Variants in PTPRM observed in about 807,000 individuals in gnomAD.
PTPRM encodes protein tyrosine phosphatase receptor type M, also known as receptor-type tyrosine-protein phosphatase mu.
PTPRM carries 47 observed loss-of-function variants against 186.7 expected under a neutral mutation model. The observed-to-expected ratio is 0.25, with a 90% CI of 0.20 to 0.32. PTPRM has a LOEUF of 0.32. Ranked by LOEUF, PTPRM falls within the 10% of genes least tolerant of loss-of-function variation. PTPRM has a pLI of 1.00. For synonymous variants in PTPRM, 668 were observed against 674.9 expected, an observed-to-expected ratio of 0.99 and a Z score of 0.16; for missense variants, 1,494 against 1,865.0, an observed-to-expected ratio of 0.80 and a Z score of 3.66.
At chr18:8,267,863 A>G (rs1274034078) in intron 19 of PTPRM, among the ~76,000 whole-genome samples, 1 of 152,146 alleles carries the variant, frequency 6.6e-6, no homozygotes, top group Non-Finnish European at 1.5e-5. Context: ...TTATTGTTCC[A>G]TTTGAAGCTA....
chr18:7,987,125 A>T (rs2083004437), intron 7 of PTPRM, among the ~76,000 whole-genome samples: 1 of 152,172 alleles, frequency 6.6e-6, no homozygotes, highest in Admixed American at 6.5e-5. Flanking sequence ...CAACATGGGG[A>T]CTGTCAGTTA....
chr18:8,245,951 T>C (rs371858717), intron 15 of PTPRM, among the ~76,000 whole-genome samples: 1 of 152,194 alleles, frequency 6.6e-6, no homozygotes, highest in East Asian at 1.9e-4. Context: ...AAACGGCAGC[T>C]GCAGAGGCCA....
chr18:8,029,019 C>CTTCCCTATGCA (rs1356494621), intron 7 of PTPRM, among the ~76,000 whole-genome samples: 1 of 152,008 alleles, frequency 6.6e-6, no homozygotes. Context: ...TCACCAACAC[C>CTTCCCTATGCA]AGGGCTGGGC....
chr18:8,186,661 G>T (rs933810394), intron 14 of PTPRM, among the ~76,000 whole-genome samples: 2 of 152,146 alleles, frequency 1.3e-5, no homozygotes, highest in Non-Finnish European at 2.9e-5. Flanking sequence ...TTTGAACCAA[G>T]GCTGAGAGAC....
intron 22 of PTPRM, among the ~76,000 whole-genome samples, chr18:8,333,808 A>G (rs968239425): frequency 6.6e-6 from 1 of 152,178 alleles, no homozygotes; most frequent in African/African-American, 2.4e-5. Context: ...TTGCCTTAAC[A>G]TCCCTCCCCT....
At chr18:7,977,948 A>T (rs546068647) in intron 7 of PTPRM, among the ~76,000 whole-genome samples, 1 of 152,322 alleles carries the variant, frequency 6.6e-6, no homozygotes, top group South Asian at 2.1e-4. Flanking sequence ...TGACTTCTTC[A>T]TAATTTCCTC....
chr18:7,631,561 G>A (rs1296609592), intron 1 of PTPRM, among the ~76,000 whole-genome samples: 1 of 151,874 alleles, frequency 6.6e-6, no homozygotes. Context: ...TCTAGAGCAA[G>A]GTTGTCCAGC....
chr18:7,664,970 T>A (rs1415744419), intron 1 of PTPRM, among the ~76,000 whole-genome samples: 1 of 152,102 alleles, frequency 6.6e-6, no homozygotes, highest in Non-Finnish European at 1.5e-5. Flanking sequence ...ATTTTAAATT[T>A]GAGATGTCAC....
At chr18:7,784,325 C>T (rs1045870083) in intron 2 of PTPRM, among the ~76,000 whole-genome samples, 7 of 152,042 alleles carry the variant, frequency 4.6e-5, no homozygotes, top group Non-Finnish European at 8.8e-5. Flanking sequence ...GTCAAGAGGC[C>T]GGAGGGGAAA....
chr18:7,882,716 A>C (rs1473084842), intron 2 of PTPRM, among the ~76,000 whole-genome samples: 1 of 152,240 alleles, frequency 6.6e-6, no homozygotes, highest in African/African-American at 2.4e-5. Flanking sequence ...ATAATGGAAA[A>C]TATTCTTTTG....
At chr18:7,868,080 C>G (rs2047802837) in intron 2 of PTPRM, among the ~76,000 whole-genome samples, 1 of 152,098 alleles carries the variant, frequency 6.6e-6, no homozygotes, top group African/African-American at 2.4e-5. Flanking sequence ...ACTGGTTATT[C>G]TAGTTATCAA....
At chr18:7,935,618 A>T (rs941373613) in intron 5 of PTPRM, among the ~76,000 whole-genome samples, 1 of 152,162 alleles carries the variant, frequency 6.6e-6, no homozygotes, top group Admixed American at 6.5e-5. Context: ...AGCAACCTTG[A>T]GGTCTCCTGG....
At chr18:7,739,245 C>T (rs991450711) in intron 1 of PTPRM, among the ~76,000 whole-genome samples, 1 of 152,018 alleles carries the variant, frequency 6.6e-6, no homozygotes, top group African/African-American at 2.4e-5. Flanking sequence ...AAGTGGTCGA[C>T]GTTGAGTTCT....
Position 8,376,571 on chromosome 18 carries a change from C to T in PTPRM, c.3436C>T (p.Arg1146Trp), listed in dbSNP as rs772640308. The T allele has an allele frequency of 3.1e-6, 5 of 1,613,648 alleles. No individual in the cohort carries two copies. Among genetic ancestry groups the T allele is most frequent in the African/African-American group, 1.3e-5 (1 of 74,860 alleles). ...IYNCVRELRS[R>W]RVNMVQTEEQ... ...CAACTGCGTCAGGGAGCTGCGGTCA[C>T]GGAGGGTGAACATGGTGCAAACAGA... The change falls in exon 26 of 33, where the codon CGG becomes TGG. Residue 1146 changes from arginine to tryptophan, a missense_variant. Around this residue, in one of 3 missense-constraint regions of PTPRM, gnomAD observed 1,107 missense variants for 1,350.2 expected, o/e 0.82. Transcript: ENST00000580170.
intron 7 of PTPRM, among the ~76,000 whole-genome samples, chr18:8,051,236 A>G (rs2087474402): frequency 6.6e-6 from 1 of 152,222 alleles, no homozygotes; most frequent in South Asian, 2.1e-4. Context: ...TCCAGAAAAG[A>G]AATCTCAAAG....
At chr18:8,203,134 G>A (rs192823884) in intron 14 of PTPRM, among the ~76,000 whole-genome samples, 1 of 152,306 alleles carries the variant, frequency 6.6e-6, no homozygotes, top group African/African-American at 2.4e-5. Flanking sequence ...GATTATTCTT[G>A]GGAAATGCAA....
intron 22 of PTPRM, among the ~76,000 whole-genome samples, chr18:8,332,285 A>G (rs961979727): frequency 6.6e-6 from 1 of 152,212 alleles, no homozygotes; most frequent in Non-Finnish European, 1.5e-5. Context: ...AGGGTTGTAT[A>G]GCATATTATA....
chr18:8,244,189 C>T lies in PTPRM; in HGVS notation c.2432C>T (p.Thr811Met), dbSNP rs143442690. 6.2e-4 allele frequency: 975 copies of T among 1,578,060 alleles called. 3 individuals are homozygous for T. The African/African-American group carries it at 7.6e-3, about 12-fold the overall frequency. ...GACGAGGCTTTCTCATTCATGGACA[C>T]GCACAATCTGAATGGGAGATGTAAG... ...NCDEAFSFMD[T>M]HNLNGRSVSS... Residue 811 changes from threonine to methionine, a missense_variant, in exon 15 of 33, where the codon ACG becomes ATG. This residue lies in a region of PTPRM where 1,107 missense variants were observed against 1,350.2 expected (regional missense o/e 0.82). Transcript: ENST00000580170.
At chr18:7,946,938 G>A (rs2052565996) in intron 5 of PTPRM, 3 of 456,096 alleles carry the variant, frequency 6.6e-6, no homozygotes, top group Non-Finnish European at 1.3e-5. Context: ...CCCCTTCTTT[G>A]GGGAGCTGAC....
Sources: allele counts gnomAD v4.1 joint callset (sites outside exome capture counted in the v4.1 genomes callset), GRCh38; gene constraint gnomAD v4.1.1; regional missense constraint gnomAD v4.1.1; transcripts MANE v1.5; gene names NCBI Gene and HGNC (gene_info 2026-07-23, HGNC 2026-07-21).